BEND6: variants seen among roughly 807,000 people sequenced by gnomAD.
BEND6 encodes BEN domain-containing protein 6.
A neutral mutation model predicts 31.8 loss-of-function variants in BEND6; 24 were observed. The ratio of observed to expected loss-of-function variants is 0.75; its 90% confidence interval spans 0.55 to 1.06. The LOEUF (loss-of-function observed/expected upper bound fraction) is 1.06, where lower values mean the gene tolerates loss of function less well. BEND6 is among the 50% of genes least tolerant of loss of function. BEND6 has a pLI of 0.00. For missense variants in BEND6, 294 were observed against 327.4 expected, an observed-to-expected ratio of 0.90 and a Z score of 0.79; for synonymous variants, 109 against 114.6, an observed-to-expected ratio of 0.95 and a Z score of 0.31.
rs115105216 is a variant in BEND6, at chr6:56,998,482, G to A, written c.298+5927G>A. 3.8e-3 allele frequency among the ~76,000 whole-genome samples: 576 copies of A among 152,234 alleles called. 2 individuals are homozygous for A. Among genetic ancestry groups the A allele is most frequent in the African/African-American group, 0.013 (557 of 41,540 alleles). ...GTGAAAGAAAATAAGTGATATATCT[G>A]TTGTATAGAAAGGTATTAAATTGTC... On this transcript the variant is annotated intron_variant, in intron 3 of 6. Transcript: ENST00000370746.
At chr6:56,956,226 G>C (rs1292385475) in intron 1 of BEND6, among the ~76,000 whole-genome samples, 1 of 152,208 alleles carries the variant, frequency 6.6e-6, no homozygotes, top group Non-Finnish European at 1.5e-5. Flanking sequence ...TATAACAACT[G>C]TATTAGCCTC....
chr6:56,996,157 C>G (rs1157442990), intron 3 of BEND6, among the ~76,000 whole-genome samples: 1 of 151,994 alleles, frequency 6.6e-6, no homozygotes, highest in Non-Finnish European at 1.5e-5. Context: ...TGTAAATATC[C>G]ATCAATGAGG....
intron 1 of BEND6, among the ~76,000 whole-genome samples, chr6:56,973,165 G>A (rs1431019742): frequency 2.6e-5 from 4 of 152,154 alleles, no homozygotes; most frequent in Non-Finnish European, 5.9e-5. Context: ...TTTGACTGTG[G>A]AGAAAAGAGC....
chr6:56,984,236 A>C (rs78231375), intron 2 of BEND6, among the ~76,000 whole-genome samples: 1 of 151,946 alleles, frequency 6.6e-6, no homozygotes, highest in Non-Finnish European at 1.5e-5. Context: ...CAAAAAAAAA[A>C]GCAAAGAAAA....
At chr6:56,962,514 G>A (rs776714018) in intron 1 of BEND6, among the ~76,000 whole-genome samples, 6 of 152,148 alleles carry the variant, frequency 3.9e-5, no homozygotes, top group African/African-American at 1.2e-4. Context: ...ATCCTCTAGG[G>A]TTTGGTGACA....
In BEND6 at chr6:56,958,155, G is replaced by A. The variant is rs146740767; in HGVS notation, c.-101+2695G>A. ...AATCCATAAGGCGTTCAGCATGTGT[G>A]AGCAAGAGACAGGCCCATGTGTGAG... On this transcript the variant is annotated intron_variant, in intron 1 of 6. Coordinates refer to ENST00000370746, the MANE Select transcript of BEND6 (RefSeq NM_152731.3). Among the ~76,000 whole-genome samples, 1,395 of 152,306 alleles carry A rather than the reference G, an allele frequency of 9.2e-3. 12 individuals carry two copies. Among genetic ancestry groups the A allele is most frequent in the Non-Finnish European group, 0.015 (1,040 of 68,034 alleles).
At chr6:56,980,240 G>A (rs138086823) in intron 1 of BEND6, among the ~76,000 whole-genome samples, 71 of 152,280 alleles carry the variant, frequency 4.7e-4, no homozygotes, top group African/African-American at 1.7e-3. Flanking sequence ...CTGGGCTGGA[G>A]TGCAGTGGCA....
chr6:57,025,315 A>G (rs1190824381), intron 6 of BEND6, among the ~76,000 whole-genome samples: 2 of 151,922 alleles, frequency 1.3e-5, no homozygotes, highest in Non-Finnish European at 2.9e-5. Flanking sequence ...CTAGTTATTT[A>G]TTTCTGTCTT....
chr6:57,003,554 C>CA (rs941724959), intron 3 of BEND6, among the ~76,000 whole-genome samples: 14 of 151,426 alleles, frequency 9.2e-5, no homozygotes, highest in South Asian at 2.1e-4. Context: ...AACTACCAAT[C>CA]AAAAAAAACC....
At chr6:56,966,632 A>T (rs1188150524) in intron 1 of BEND6, among the ~76,000 whole-genome samples, 1 of 152,146 alleles carries the variant, frequency 6.6e-6, no homozygotes, top group Admixed American at 6.5e-5. Flanking sequence ...GCAGGTGAAG[A>T]TTGCCTTCCA....
At chr6:56,968,437 C>G (rs933390865) in intron 1 of BEND6, among the ~76,000 whole-genome samples, 1 of 150,214 alleles carries the variant, frequency 6.7e-6, no homozygotes. Flanking sequence ...CCTCCCACCT[C>G]AGCCTCCCCA....
intron 3 of BEND6, among the ~76,000 whole-genome samples, chr6:56,998,187 C>T (rs1826796976): frequency 6.6e-6 from 1 of 152,088 alleles, no homozygotes; most frequent in Non-Finnish European, 1.5e-5. Flanking sequence ...AGGAAGATAA[C>T]AGAAAGTTGA....
intron 3 of BEND6, among the ~76,000 whole-genome samples, chr6:57,002,660 A>G (rs560068493): frequency 2.0e-5 from 3 of 152,330 alleles, no homozygotes; most frequent in South Asian, 4.1e-4. Flanking sequence ...CTTCTTTGAA[A>G]TTAATGAATA....
intron 3 of BEND6, among the ~76,000 whole-genome samples, chr6:57,012,491 T>A (rs2127887773): frequency 6.6e-6 from 1 of 152,348 alleles, no homozygotes; most frequent in East Asian, 1.9e-4. Context: ...TAGGTGTGTT[T>A]TAAATGGGCG....
intron 3 of BEND6, among the ~76,000 whole-genome samples, chr6:57,000,292 C>A (rs1030327611): frequency 2.0e-5 from 3 of 152,136 alleles, no homozygotes; most frequent in Admixed American, 6.5e-5. Context: ...TTACCCCCAA[C>A]CCCGTGCTCT....
At chr6:56,967,683 C>G (rs1459220969) in intron 1 of BEND6, among the ~76,000 whole-genome samples, 1 of 152,184 alleles carries the variant, frequency 6.6e-6, no homozygotes, top group Non-Finnish European at 1.5e-5. Context: ...AGACTCCAGT[C>G]TCTGTGGGAA....
At chr6:56,975,146 AT>A (rs919990251) in intron 1 of BEND6, among the ~76,000 whole-genome samples, 1 of 152,048 alleles carries the variant, frequency 6.6e-6, no homozygotes, top group African/African-American at 2.4e-5. Flanking sequence ...AATAAAAAAA[AT>A]AAAGGCAAAG....
intron 2 of BEND6, among the ~76,000 whole-genome samples, chr6:56,983,664 T>C (rs1381580458): frequency 6.6e-6 from 1 of 152,230 alleles, no homozygotes; most frequent in Non-Finnish European, 1.5e-5. Flanking sequence ...GGCTCAATGA[T>C]ATTCCATTTA....
At chr6:57,022,505 G>T (rs1010814682) in intron 6 of BEND6, among the ~76,000 whole-genome samples, 3 of 151,310 alleles carry the variant, frequency 2.0e-5, no homozygotes, top group Non-Finnish European at 4.4e-5. Context: ...TATTTATTTG[G>T]CCTTCTCTTT....
Sources: allele counts gnomAD v4.1 joint callset (sites outside exome capture counted in the v4.1 genomes callset), GRCh38; gene constraint gnomAD v4.1.1; transcripts MANE v1.5; gene names NCBI Gene and HGNC (gene_info 2026-07-23, HGNC 2026-07-21).